BMPR1B: variants seen among roughly 807,000 people sequenced by gnomAD.
BMPR1B encodes bone morphogenetic protein receptor type 1B, also known as bone morphogenetic protein receptor type-1B.
Under a neutral mutation model 59.1 loss-of-function variants are expected in BMPR1B, and 12 were observed. The observed-to-expected ratio is 0.20, with a 90% CI of 0.13 to 0.33. The LOEUF is 0.33. Ranked by LOEUF, BMPR1B falls within the 10% of genes least tolerant of loss-of-function variation. The probability of loss-of-function intolerance (pLI) is 1.00; values close to 1 mark genes in which losing one functional copy is unlikely to be tolerated. For synonymous variants in BMPR1B, 237 were observed against 207.3 expected (o/e 1.14, Z -1.23); for missense variants, 550 against 610.9 (o/e 0.90, Z 1.05).
intron 3 of BMPR1B, among the ~76,000 whole-genome samples, chr4:95,043,956 A>G (rs1011384151): frequency 3.3e-5 from 5 of 152,196 alleles, no homozygotes; most frequent in African/African-American, 1.2e-4. Flanking sequence ...GCTATGCTCA[A>G]TTTTGTAACA....
intron 1 of BMPR1B, among the ~76,000 whole-genome samples, chr4:94,813,590 A>G (rs1477048010): frequency 6.6e-6 from 1 of 152,106 alleles, no homozygotes; most frequent in Non-Finnish European, 1.5e-5. Flanking sequence ...CGATCTTGGC[A>G]TTTTCTCTGA....
At chr4:95,026,109 T>TC (rs1491457152) in intron 3 of BMPR1B, among the ~76,000 whole-genome samples, 17 of 138,070 alleles carry the variant, frequency 1.2e-4, no homozygotes, top group South Asian at 2.4e-4. Context: ...TTTCTTTCTT[T>TC]CTTTCTTTCT....
intron 1 of BMPR1B, among the ~76,000 whole-genome samples, chr4:94,815,174 G>A (rs1723965053): frequency 6.6e-6 from 1 of 152,142 alleles, no homozygotes; most frequent in Non-Finnish European, 1.5e-5. Context: ...CAGTGTGCTG[G>A]TATTACAGGA....
At chr4:94,926,080 C>T (rs1302497559) in intron 2 of BMPR1B, among the ~76,000 whole-genome samples, 1 of 110,522 alleles carries the variant, frequency 9.0e-6, no homozygotes, top group Non-Finnish European at 1.9e-5. Context: ...TCCCGTCTCC[C>T]TCCCCTTCTC....
intron 3 of BMPR1B, among the ~76,000 whole-genome samples, chr4:95,034,159 C>T (rs1432399298): frequency 6.6e-6 from 1 of 152,102 alleles, no homozygotes; most frequent in Non-Finnish European, 1.5e-5. Context: ...AAAATTTCAC[C>T]TCAGAATTTA....
rs73836102 is a variant in BMPR1B at position 95,028,748 on chromosome 4, G to A, written c.-18+32614G>A. Among the ~76,000 whole-genome samples, 1,097 of 152,108 alleles carry A rather than the reference G, an allele frequency of 7.2e-3. 13 individuals carry two copies. Among genetic ancestry groups the A allele is most frequent in the African/African-American group, 0.025 (1,043 of 41,514 alleles). On this transcript the variant is annotated intron_variant, in intron 3 of 12. Coordinates refer to ENST00000515059, the MANE Select transcript of BMPR1B (RefSeq NM_001203.3). ...TGCCTCTAAAATTATGTGTTTCCAT[G>A]TAAAAAGATACTAGAAATCTACCGT...
chr4:94,990,931 A>G (rs1721710937), intron 2 of BMPR1B, among the ~76,000 whole-genome samples: 1 of 152,140 alleles, frequency 6.6e-6, no homozygotes, highest in South Asian at 2.1e-4. Flanking sequence ...CCCACCTTCT[A>G]TGAAAACAGC....
intron 1 of BMPR1B, among the ~76,000 whole-genome samples, chr4:94,826,423 C>A (rs1724384534): frequency 6.6e-6 from 1 of 152,158 alleles, no homozygotes; most frequent in South Asian, 2.1e-4. Context: ...ACTTCCTGCT[C>A]CCTTTGTTCT....
At chr4:94,935,782 C>T (rs1307043101) in intron 2 of BMPR1B, among the ~76,000 whole-genome samples, 1 of 152,156 alleles carries the variant, frequency 6.6e-6, no homozygotes, top group African/African-American at 2.4e-5. Flanking sequence ...TCAGTATAGG[C>T]AGAATGCCTG....
At chr4:94,950,329 A>G (rs576247616) in intron 2 of BMPR1B, among the ~76,000 whole-genome samples, 9 of 151,766 alleles carry the variant, frequency 5.9e-5, no homozygotes, top group African/African-American at 2.2e-4. Context: ...TTTTTTTGCA[A>G]TTATTTTTGG....
At chr4:95,099,786 CTCTT>C (rs1166703598) in intron 3 of BMPR1B, among the ~76,000 whole-genome samples, 1 of 152,104 alleles carries the variant, frequency 6.6e-6, no homozygotes, top group African/African-American at 2.4e-5. Context: ...AACTGTACTA[CTCTT>C]TCTTTATTAT....
At chr4:95,110,572 C>T (rs987745315) in intron 4 of BMPR1B, among the ~76,000 whole-genome samples, 12 of 152,138 alleles carry the variant, frequency 7.9e-5, no homozygotes, top group African/African-American at 2.7e-4. Flanking sequence ...GGGAATCCAT[C>T]ATCTAAGATG....
intron 2 of BMPR1B, among the ~76,000 whole-genome samples, chr4:94,975,533 T>TG (rs1730998725): frequency 6.6e-6 from 1 of 151,468 alleles, no homozygotes; most frequent in African/African-American, 2.4e-5. Flanking sequence ...TGGCTAAATT[T>TG]TTTTTTTTGG....
At chr4:94,841,650 G>GCGCCCA (rs1186835032) in intron 1 of BMPR1B, among the ~76,000 whole-genome samples, 42 of 152,186 alleles carry the variant, frequency 2.8e-4, no homozygotes, top group African/African-American at 9.1e-4. Context: ...CCACTGATCT[G>GCGCCCA]CGCCCACTGG....
At chr4:94,920,740 A>T (rs1454394246) in intron 2 of BMPR1B, among the ~76,000 whole-genome samples, 1 of 152,222 alleles carries the variant, frequency 6.6e-6, no homozygotes, top group Non-Finnish European at 1.5e-5. Context: ...TATTTCAGAG[A>T]ATACTCACTT....
intron 1 of BMPR1B, among the ~76,000 whole-genome samples, chr4:94,834,397 C>T (rs1724719370): frequency 6.6e-6 from 1 of 152,138 alleles, no homozygotes; most frequent in African/African-American, 2.4e-5. Context: ...TCTTCCTTAT[C>T]CTTTGAATGT....
chr4:94,931,943 G>C (rs372981816), intron 2 of BMPR1B, among the ~76,000 whole-genome samples: 1 of 152,102 alleles, frequency 6.6e-6, no homozygotes, highest in Admixed American at 6.6e-5. Context: ...AGAAGCAGAA[G>C]TTTAATGATT....
chr4:94,783,588 G>A (rs1722660158), intron 1 of BMPR1B, among the ~76,000 whole-genome samples: 1 of 152,188 alleles, frequency 6.6e-6, no homozygotes, highest in African/African-American at 2.4e-5. Flanking sequence ...GGGTGTAGTA[G>A]CCTGTTTCTC....
chr4:95,074,709 AC>A (rs935149781), intron 3 of BMPR1B, among the ~76,000 whole-genome samples: 1 of 152,042 alleles, frequency 6.6e-6, no homozygotes, highest in African/African-American at 2.4e-5. Flanking sequence ...GCTAAAGTAA[AC>A]AAAGTACTGT....
Sources: gnomAD v4.1 joint callset for allele counts (sites outside exome capture counted in the v4.1 genomes callset) on GRCh38, gnomAD v4.1.1 for gene constraint, MANE v1.5 for transcripts, NCBI Gene and HGNC (gene_info 2026-07-23, HGNC 2026-07-21) for gene names.